Variants in TBXAS1 observed in about 807,000 individuals in gnomAD.
TBXAS1 encodes the protein thromboxane-A synthase.
TBXAS1 carries 48 observed loss-of-function variants against 60.7 expected under a neutral mutation model. The observed-to-expected ratio is 0.79, with a 90% CI of 0.63 to 1.01. TBXAS1 has a LOEUF of 1.01. TBXAS1 is among the 50% of genes least tolerant of loss of function. The pLI is 0.00. For missense variants in TBXAS1, 685 were observed against 686.3 expected (o/e 1.00, Z 0.02); for synonymous variants, 287 against 269.7 (o/e 1.06, Z -0.63).
chr7:139,814,633 A>G (rs955949749), intron 4 of TBXAS1, among the ~76,000 whole-genome samples: 1 of 152,172 alleles, frequency 6.6e-6, no homozygotes, highest in Non-Finnish European at 1.5e-5. Context: ...GGGAAATATG[A>G]CACAGATTCT....
intron 8 of TBXAS1, among the ~76,000 whole-genome samples, chr7:139,959,522 A>C (rs938585509): frequency 2.0e-5 from 3 of 152,188 alleles, no homozygotes; most frequent in Non-Finnish European, 4.4e-5. Flanking sequence ...AAACCCATCT[A>C]TACTAATGTT....
chr7:139,986,740 C>CAT lies in TBXAS1; in HGVS notation c.1135-20349_1135-20348dup, dbSNP rs1177275102. ...ATTCCATCATATATATATATATATA[C>CAT]ATACATATATATATATGTGTGTGTG... On this transcript the variant is annotated intron_variant, in intron 9 of 12. Coordinates refer to ENST00000448866, the MANE Select transcript of TBXAS1 (RefSeq NM_001061.7). 1.3e-3 allele frequency among the ~76,000 whole-genome samples: 88 copies of CAT among 68,934 alleles called. 1 individual carries two copies. Among genetic ancestry groups the CAT allele is most frequent in the African/African-American group, 3.0e-3 (39 of 13,196 alleles). 45.2% of individuals were successfully genotyped at this position (68,934 alleles called of 152,430 possible). A position where few individuals can be genotyped will look rare whatever the true frequency, so the allele number is the denominator to read the frequency against.
intron 4 of TBXAS1, among the ~76,000 whole-genome samples, chr7:139,797,833 T>G (rs1373320366): frequency 6.6e-6 from 1 of 152,212 alleles, no homozygotes; most frequent in Non-Finnish European, 1.5e-5. Flanking sequence ...GAGTGACTCC[T>G]TGGACCCCAG....
chr7:139,974,334 G>A (rs1045183599), intron 9 of TBXAS1, among the ~76,000 whole-genome samples: 35 of 152,184 alleles, frequency 2.3e-4, no homozygotes, highest in African/African-American at 7.5e-4. Context: ...GCCTCTCTCT[G>A]GGACACTCGG....
intron 4 of TBXAS1, chr7:139,913,896 G>C (rs1388266623): frequency 6.5e-6 from 1 of 152,904 alleles, no homozygotes; most frequent in African/African-American, 2.4e-5. Context: ...CGTCACTCCA[G>C]CCTCTCCCTG....
intron 1 of TBXAS1, among the ~76,000 whole-genome samples, chr7:139,846,690 C>T (rs950172303): frequency 6.6e-6 from 1 of 152,208 alleles, no homozygotes; most frequent in East Asian, 1.9e-4. Flanking sequence ...GAGAGGCGTA[C>T]TTCAAACAAG....
intron 9 of TBXAS1, among the ~76,000 whole-genome samples, chr7:139,970,306 C>T (rs1265659284): frequency 6.6e-6 from 1 of 152,150 alleles, no homozygotes; most frequent in African/African-American, 2.4e-5. Flanking sequence ...AGGGTTTCAC[C>T]ATGTTGGACA....
chr7:139,942,547 T>C (rs761637998), intron 5 of TBXAS1, among the ~76,000 whole-genome samples: 2 of 152,206 alleles, frequency 1.3e-5, no homozygotes, highest in Non-Finnish European at 2.9e-5. Flanking sequence ...ATGTTCTCCA[T>C]TCTCAAAGCC....
intron 3 of TBXAS1, among the ~76,000 whole-genome samples, chr7:139,785,484 G>GTTT (rs745393977): frequency 2.0e-5 from 3 of 148,394 alleles, no homozygotes; most frequent in African/African-American, 7.8e-5. Context: ...TGTTGTTGTT[G>GTTT]TTGTTTTTTG....
At chr7:139,952,394 C>G (rs1809483639) in intron 5 of TBXAS1, among the ~76,000 whole-genome samples, 1 of 152,174 alleles carries the variant, frequency 6.6e-6, no homozygotes, top group Admixed American at 6.5e-5. Flanking sequence ...CTCGAGAACT[C>G]AATATTCTAG....
chr7:139,828,938 A>C (rs184200096), upstream of TBXAS1, among the ~76,000 whole-genome samples: 1 of 152,326 alleles, frequency 6.6e-6, no homozygotes, highest in Non-Finnish European at 1.5e-5. Context: ...CTTAATTGTG[A>C]ATTTAAAAAA....
chr7:139,961,100 G>GA (rs1331389117), intron 8 of TBXAS1, among the ~76,000 whole-genome samples: 1 of 152,046 alleles, frequency 6.6e-6, no homozygotes, highest in African/African-American at 2.4e-5. Flanking sequence ...GGGGGAAATG[G>GA]AAAAAAAGCT....
chr7:139,886,736 T>A lies in TBXAS1; in HGVS notation c.236+11099T>A, dbSNP rs566582277. Among the ~76,000 whole-genome samples the A allele has an allele frequency of 2.0e-5, 3 of 152,332 alleles. No individual in the cohort carries two copies. In the South Asian group the frequency reaches 6.2e-4, roughly 32 times the overall value. ...CTGTTGAATGGCTCTTCCATTTGCC[T>A]TTGAAGATTGCTTGTAACTCTTCAA... On this transcript the variant is annotated intron_variant, in intron 3 of 12. Coordinates refer to ENST00000448866, the MANE Select transcript of TBXAS1 (RefSeq NM_001061.7).
intron 4 of TBXAS1, among the ~76,000 whole-genome samples, chr7:139,811,695 T>A (rs1585541215): frequency 6.6e-6 from 1 of 152,166 alleles, no homozygotes; most frequent in East Asian, 1.9e-4. Flanking sequence ...ACCCTAAAGA[T>A]GGAAATAGAA....
chr7:139,812,053 T>G (rs1798032951), intron 4 of TBXAS1, among the ~76,000 whole-genome samples: 1 of 152,244 alleles, frequency 6.6e-6, no homozygotes, highest in Non-Finnish European at 1.5e-5. Flanking sequence ...TTGGCATCCA[T>G]GCCATGGAAC....
intron 1 of TBXAS1, among the ~76,000 whole-genome samples, chr7:139,832,910 T>A (rs1326304046): frequency 6.6e-6 from 1 of 152,178 alleles, no homozygotes; most frequent in Non-Finnish European, 1.5e-5. Context: ...AAACAAATGC[T>A]GAGAGAATTG....
rs1196167483 is a variant in TBXAS1, at chr7:139,863,812, T to A, written c.90-8423T>A. ...ACTAGAAAACAACAAAAATCAGAAA[T>A]GATCAACAAAGAAAAAGTTGGTGCT... On this transcript the variant is annotated intron_variant, in intron 1 of 12. Coordinates refer to ENST00000448866, the MANE Select transcript of TBXAS1 (RefSeq NM_001061.7). 2.6e-5 allele frequency among the ~76,000 whole-genome samples: 4 copies of A among 151,922 alleles called. No homozygotes were observed. The East Asian group carries it at 5.8e-4, about 22-fold the overall frequency.
intron 12 of TBXAS1, among the ~76,000 whole-genome samples, chr7:140,019,799 G>A (rs912858975): frequency 6.6e-6 from 1 of 152,214 alleles, no homozygotes; most frequent in Non-Finnish European, 1.5e-5. Context: ...CAGAGCCCCT[G>A]GGCCAGAGGG....
chr7:139,839,414 T>C (rs567743900), intron 1 of TBXAS1, among the ~76,000 whole-genome samples: 4 of 152,220 alleles, frequency 2.6e-5, no homozygotes, highest in African/African-American at 7.2e-5. Flanking sequence ...ACAGGGCTGA[T>C]GAAGCGGCAA....
Sources: gnomAD v4.1 joint callset for allele counts (sites outside exome capture counted in the v4.1 genomes callset) on GRCh38, gnomAD v4.1.1 for gene constraint, MANE v1.5 for transcripts, NCBI Gene and HGNC (gene_info 2026-07-23, HGNC 2026-07-21) for gene names.